Variants in CHODL observed in about 807,000 individuals in gnomAD.
CHODL encodes the protein transmembrane protein MT75.
Under a neutral mutation model 34.5 loss-of-function variants are expected in CHODL, and 29 were observed. That is an observed-to-expected ratio of 0.84 (90% CI 0.63 to 1.15). The LOEUF (loss-of-function observed/expected upper bound fraction) is 1.15, where lower values mean the gene tolerates loss of function less well. Among genes scored for constraint, CHODL ranks in the 50% most tolerant of loss-of-function variants. The pLI, the probability that CHODL is intolerant of heterozygous loss-of-function variation, is 0.00. For synonymous variants in CHODL, 125 were observed against 116.1 expected (o/e 1.08, Z -0.49); for missense variants, 332 against 332.5 (o/e 1.00, Z 0.01).
chr21:18,248,574 G>T (rs2074172531), intron 1 of CHODL, among the ~76,000 whole-genome samples: 2 of 136,946 alleles, frequency 1.5e-5, no homozygotes, highest in Admixed American at 7.7e-5. Flanking sequence ...TTTATAAAAG[G>T]TAATGTATTT....
At chr21:17,938,174 TC>T (rs1336412851) in intron 1 of CHODL, among the ~76,000 whole-genome samples, 1 of 152,134 alleles carries the variant, frequency 6.6e-6, no homozygotes, top group Non-Finnish European at 1.5e-5. Context: ...GGCACCACAG[TC>T]CCCACTGGGT....
chr21:18,015,000 T>G (rs2146418020), intron 1 of CHODL, among the ~76,000 whole-genome samples: 1 of 152,298 alleles, frequency 6.6e-6, no homozygotes, highest in Middle Eastern at 3.4e-3. Flanking sequence ...TTCGGAAGGC[T>G]TAGAAGACAG....
intron 1 of CHODL, among the ~76,000 whole-genome samples, chr21:17,962,946 C>T (rs974799406): frequency 6.6e-6 from 1 of 151,862 alleles, no homozygotes; most frequent in Non-Finnish European, 1.5e-5. Context: ...CACCTGTAGT[C>T]CCAGCTACTC....
intron 1 of CHODL, among the ~76,000 whole-genome samples, chr21:18,248,845 T>C (rs2074189817): frequency 8.3e-6 from 1 of 120,954 alleles, no homozygotes; most frequent in African/African-American, 3.3e-5. Flanking sequence ...TGTATATGTA[T>C]GTATATATAC....
intron 2 of CHODL, among the ~76,000 whole-genome samples, chr21:18,087,959 C>T (rs765830822): frequency 8.5e-5 from 13 of 152,062 alleles, no homozygotes; most frequent in Non-Finnish European, 2.9e-5. Context: ...GAAGGAGGCA[C>T]GATCTTCACA....
At chr21:17,973,312 G>T (rs1489217319) in intron 1 of CHODL, among the ~76,000 whole-genome samples, 1 of 151,946 alleles carries the variant, frequency 6.6e-6, no homozygotes, top group Non-Finnish European at 1.5e-5. Context: ...AAACTAAAGA[G>T]CTCCTGCACA....
intron 2 of CHODL, among the ~76,000 whole-genome samples, chr21:18,220,180 TC>T (rs2073869020): frequency 6.6e-6 from 1 of 152,196 alleles, no homozygotes; most frequent in African/African-American, 2.4e-5. Context: ...GCATGGAATA[TC>T]TTTTTTTCAT....
chr21:18,006,254 A>T lies in CHODL; in HGVS notation c.-144-21618A>T, dbSNP rs75719440. On this transcript the variant is annotated intron_variant, in intron 1 of 6. Transcript: ENST00000400127. ...CAGCAGCATGAAAATGGACTGATAC[A>T]CTGGGCTTAATACCAAGATGATGGG... Among the ~76,000 whole-genome samples the T allele has an allele frequency of 6.1e-3, 921 of 152,180 alleles. 7 individuals are homozygous for T. The highest frequency in any genetic ancestry group is 8.9e-3 in the Non-Finnish European group (604 of 68,004).
Position 18,267,162 on chromosome 21 carries a change from C to CA in CHODL, c.*1124_*1125insA, listed in dbSNP as rs2074474289. The CA allele has an allele frequency of 6.6e-6, 1 of 152,198 alleles. No individual in the cohort carries two copies. Among genetic ancestry groups the CA allele is most frequent in the South Asian group, 2.1e-4 (1 of 4,828 alleles). The allele number at this position is 152,198 out of a possible 1,614,324, so 9.4% of individuals were successfully genotyped here. On this transcript the variant is annotated 3_prime_UTR_variant, in exon 6 of 6. Transcript: ENST00000299295. ...TTAGGAAGGAAAGGAACTACGAAAT[C>CA]GTGTGAAAATGGGTTGGAACCCATC...
intron 2 of CHODL, among the ~76,000 whole-genome samples, chr21:18,096,826 C>T (rs1253842707): frequency 1.3e-5 from 2 of 152,152 alleles, no homozygotes; most frequent in Middle Eastern, 3.4e-3. Context: ...TATTCGTTCA[C>T]TCCCTCCCCT....
At chr21:18,046,515 TG>T (rs1337991228) in intron 2 of CHODL, among the ~76,000 whole-genome samples, 1 of 151,926 alleles carries the variant, frequency 6.6e-6, no homozygotes, top group Non-Finnish European at 1.5e-5. Flanking sequence ...AGATAACTTC[TG>T]ACATTTGTAG....
chr21:17,996,587 A>T (rs897043262), intron 1 of CHODL, among the ~76,000 whole-genome samples: 5 of 152,084 alleles, frequency 3.3e-5, no homozygotes, highest in African/African-American at 1.2e-4. Flanking sequence ...AATCAAATGG[A>T]CTCTCCGGAA....
intron 1 of CHODL, among the ~76,000 whole-genome samples, chr21:17,940,938 T>C (rs2063358150): frequency 6.6e-6 from 1 of 152,222 alleles, no homozygotes; most frequent in African/African-American, 2.4e-5. Context: ...AGTGAACATC[T>C]ATGGTAATAG....
intron 1 of CHODL, among the ~76,000 whole-genome samples, chr21:18,026,548 T>C (rs1474735233): frequency 6.6e-6 from 1 of 152,180 alleles, no homozygotes; most frequent in African/African-American, 2.4e-5. Context: ...ATCAAACTAA[T>C]TGATGGCATA....
chr21:18,191,424 G>T (rs1174677898), intron 2 of CHODL, among the ~76,000 whole-genome samples: 1 of 152,178 alleles, frequency 6.6e-6, no homozygotes, highest in African/African-American at 2.4e-5. Context: ...GGCTCTGCAA[G>T]GTTCTGGGGA....
At chr21:17,971,353 G>A (rs1016969271) in intron 1 of CHODL, among the ~76,000 whole-genome samples, 1 of 152,178 alleles carries the variant, frequency 6.6e-6, no homozygotes, top group African/African-American at 2.4e-5. Context: ...CCCACCAACA[G>A]TGTAAAAGTG....
In CHODL at chr21:18,041,312, C is replaced by T. The variant is rs537306724; in HGVS notation, c.-45+13341C>T. Among the ~76,000 whole-genome samples the T allele has an allele frequency of 8.6e-5, 13 of 151,994 alleles. No individual in the cohort carries two copies. The South Asian group carries it at 1.0e-3, about 12-fold the overall frequency. On this transcript the variant is annotated intron_variant, in intron 2 of 6. Coordinates refer to the CHODL transcript ENST00000400127. ...TGGCTTTGGGGACTTGGGTAAGTTA[C>T]TTAACCTCTCTAAGCTTCTGTTTAC...
chr21:18,084,164 C>T (rs571320392), intron 2 of CHODL, among the ~76,000 whole-genome samples: 3 of 152,276 alleles, frequency 2.0e-5, no homozygotes, highest in South Asian at 2.1e-4. Context: ...TGGCACAGCT[C>T]CTTTCTCTAA....
At chr21:17,995,077 T>C (rs561582473) in intron 1 of CHODL, among the ~76,000 whole-genome samples, 12 of 152,176 alleles carry the variant, frequency 7.9e-5, no homozygotes, top group African/African-American at 2.9e-4. Context: ...CCAGACAGCG[T>C]CATGATGCTG....
Sources: allele counts gnomAD v4.1 joint callset (sites outside exome capture counted in the v4.1 genomes callset), GRCh38; gene constraint gnomAD v4.1.1; transcripts MANE v1.5; gene names NCBI Gene and HGNC (gene_info 2026-07-23, HGNC 2026-07-21).